Variants in GRIA3 observed in about 807,000 individuals in gnomAD.
The protein encoded by GRIA3 is glutamate ionotropic receptor AMPA type subunit 3, also known as glutamate receptor 3.
Under a neutral mutation model 63.0 loss-of-function variants are expected in GRIA3, and 3 were observed. The ratio of observed to expected loss-of-function variants is 0.05; its 90% CI spans 0.02 to 0.12. GRIA3 has a LOEUF of 0.12. GRIA3 is among the 10% of genes least tolerant of loss of function. The probability of loss-of-function intolerance (pLI) is 1.00; values close to 1 mark genes in which losing one functional copy is unlikely to be tolerated. For missense variants in GRIA3, 347 were observed against 700.9 expected, an observed-to-expected ratio of 0.50 and a Z score of 5.70; for synonymous variants, 274 against 257.9, an observed-to-expected ratio of 1.06 and a Z score of -0.60.
chrX:123,214,222 T>TA, intron 2 of GRIA3, among the ~76,000 whole-genome samples: 1 of 112,288 alleles, frequency 8.9e-6, no homozygotes, highest in African/African-American at 3.2e-5. Flanking sequence ...GAAAGTCTCC[T>TA]TTAATTTAAT....
At chrX:123,214,782 A>T (rs1928119559) in intron 2 of GRIA3, among the ~76,000 whole-genome samples, 1 of 112,346 alleles carries the variant, frequency 8.9e-6, no homozygotes, top group African/African-American at 3.2e-5. Flanking sequence ...ATCTGATAGC[A>T]TACCCCTTTT....
chrX:123,245,232 C>G lies in GRIA3; in HGVS notation c.269-8071C>G, dbSNP rs1202000128. On this transcript the variant is annotated intron_variant, in intron 2 of 15. Transcript: ENST00000620443. ...AATGCATTAGAAGAAACAGGGACAA[C>G]GGGAGCAGACACATAGGTGGAGGAT... Among the ~76,000 whole-genome samples the G allele has an allele frequency of 2.7e-5, 3 of 111,930 alleles. No individual in the cohort carries two copies. In the Admixed American group the frequency reaches 2.8e-4, roughly 11 times the overall value.
At chrX:123,421,179 C>T (rs368606795) in intron 11 of GRIA3, among the ~76,000 whole-genome samples, 1 of 111,649 alleles carries the variant, frequency 9.0e-6, no homozygotes, top group Non-Finnish European at 1.9e-5. Flanking sequence ...CCTTTATGAG[C>T]TCTATGTTTT....
intron 3 of GRIA3, among the ~76,000 whole-genome samples, chrX:123,307,825 T>C (rs1011101468): frequency 9.0e-6 from 1 of 111,334 alleles, no homozygotes; most frequent in Non-Finnish European, 1.9e-5. Flanking sequence ...CCATGGCTGA[T>C]AGGAAAGGCA....
At chrX:123,349,889 C>T (rs143737989) in intron 4 of GRIA3, among the ~76,000 whole-genome samples, 1 of 111,824 alleles carries the variant, frequency 8.9e-6, no homozygotes, top group African/African-American at 3.3e-5. Flanking sequence ...TGCCTTTTAT[C>T]ATATGGAAGA....
chrX:123,417,616 T>A lies in GRIA3; in HGVS notation c.1715T>A (p.Leu572Gln). 8.3e-7 allele frequency: 1 copy of A among 1,206,610 alleles called. No homozygotes were observed. Among genetic ancestry groups the A allele is most frequent in the Non-Finnish European group, 1.1e-6 (1 of 892,361 alleles). Residue 572 changes from leucine (L) to glutamine (Q), a missense_variant, in exon 11 of 16, where the codon CTA (leucine) becomes CAA (glutamine). Physicochemically the swap from Leu to Gln is moderately radical, Grantham distance 113 (BLOSUM62 -2). Around this residue, in one of 8 missense-constraint regions of GRIA3, gnomAD observed 19 missense variants for 30.9 expected, o/e 0.61. Coordinates refer to ENST00000620443, the MANE Select transcript of GRIA3 (RefSeq NM_007325.5). ...AYIGVSVVLF[L>Q]VSRFSPYEWH... The stretch of plus-strand genomic sequence containing the variant: ...ATTGGAGTCAGCGTAGTTCTTTTCC[T>A]AGTCAGCAGGTTCAGTCCTTATGAA...
intron 2 of GRIA3, among the ~76,000 whole-genome samples, chrX:123,243,513 G>A (rs182325369): frequency 2.7e-5 from 3 of 111,607 alleles, no homozygotes; most frequent in Non-Finnish European, 3.8e-5. Flanking sequence ...TTTGCATAGG[G>A]TGCTCTTCTA....
chrX:123,351,526 T>G (rs2147348072), intron 4 of GRIA3, among the ~76,000 whole-genome samples: 1 of 112,114 alleles, frequency 8.9e-6, no homozygotes, highest in South Asian at 3.7e-4. Flanking sequence ...CAGCAGAGAT[T>G]ACTGAACACA....
At chrX:123,299,029 T>G (rs1347416711) in intron 3 of GRIA3, among the ~76,000 whole-genome samples, 1 of 111,141 alleles carries the variant, frequency 9.0e-6, no homozygotes, top group African/African-American at 3.3e-5. Flanking sequence ...GAAGATCAGA[T>G]AGTTGTAGGT....
chrX:123,423,191 T>C (rs1018318499), intron 11 of GRIA3, among the ~76,000 whole-genome samples: 1 of 111,622 alleles, frequency 9.0e-6, no homozygotes, highest in African/African-American at 3.3e-5. Flanking sequence ...TGAACCTGAT[T>C]ACTGTGTATA....
At chrX:123,349,174 G>T (rs979818419) in intron 4 of GRIA3, among the ~76,000 whole-genome samples, 1 of 112,335 alleles carries the variant, frequency 8.9e-6, no homozygotes, top group African/African-American at 3.2e-5. Flanking sequence ...AAATCATTAA[G>T]GACGTTTGTG....
chrX:123,388,673 T>A (rs1355466568), intron 5 of GRIA3, among the ~76,000 whole-genome samples: 1 of 112,352 alleles, frequency 8.9e-6, no homozygotes, highest in Admixed American at 9.4e-5. Flanking sequence ...TTTGAAAAAA[T>A]TTATTTTGTT....
At chrX:123,477,644 G>A (rs5958241) in intron 13 of GRIA3, among the ~76,000 whole-genome samples, 6,441 of 111,692 alleles carry the variant, frequency 0.058, 454 homozygotes, top group African/African-American at 0.2. Context: ...GGGATCCTCC[G>A]GGGGTCCCTG....
chrX:123,250,061 T>G (rs1021089931), intron 2 of GRIA3, among the ~76,000 whole-genome samples: 2 of 111,672 alleles, frequency 1.8e-5, no homozygotes, highest in African/African-American at 6.5e-5. Context: ...TAGGTGTATG[T>G]GTTTGTATAT....
chrX:123,433,747 G>C (rs970468291), intron 12 of GRIA3, among the ~76,000 whole-genome samples: 24 of 112,083 alleles, frequency 2.1e-4, no homozygotes, highest in Admixed American at 2.1e-3. Context: ...CCCTAGGCAA[G>C]GCAGAAGAAT....
intron 5 of GRIA3, among the ~76,000 whole-genome samples, chrX:123,379,794 TC>T (rs1423098415): frequency 2.2e-5 from 1 of 46,215 alleles, no homozygotes; most frequent in Non-Finnish European, 3.8e-5. Context: ...TCCCTCCCCC[TC>T]CCCCCACCCC....
At chrX:123,326,369 G>GAA (rs56808544) in intron 4 of GRIA3, among the ~76,000 whole-genome samples, 156 bp downstream of exon 4, 46 of 70,061 alleles carry the variant, frequency 6.6e-4, no homozygotes, top group African/African-American at 2.1e-3. Context: ...AGTGGCTGCA[G>GAA]AAAAAAAAAA....
intron 12 of GRIA3, among the ~76,000 whole-genome samples, chrX:123,446,414 G>A (rs1224510062): frequency 8.9e-6 from 1 of 111,862 alleles, no homozygotes; most frequent in Non-Finnish European, 1.9e-5. Context: ...TGGAAATGCA[G>A]ATTGCCTTCA....
intron 10 of GRIA3, among the ~76,000 whole-genome samples, chrX:123,407,121 TCTATTACTACTACTACTATTACCACTA>T (rs1225018577): frequency 1.8e-5 from 2 of 111,830 alleles, no homozygotes; most frequent in East Asian, 5.6e-4. Flanking sequence ...CATTACTATT[TCTATTACTACTACTACTATTACCACTA>T]CTATTACTAC....
Sources: allele counts gnomAD v4.1 joint callset (sites outside exome capture counted in the v4.1 genomes callset), GRCh38; gene constraint gnomAD v4.1.1; regional missense constraint gnomAD v4.1.1; transcripts MANE v1.5; gene names NCBI Gene and HGNC (gene_info 2026-07-23, HGNC 2026-07-21).